The following KDM6A variants were observed in gnomAD, a reference collection of about 807,000 sequenced individuals.
KDM6A encodes the protein lysine demethylase 6A.
Under a neutral mutation model 117.6 loss-of-function variants are expected in KDM6A, and 11 were observed. That is an observed-to-expected ratio of 0.09 (90% confidence interval 0.06 to 0.15). The LOEUF (loss-of-function observed/expected upper bound fraction) is 0.15, where lower values mean the gene tolerates loss of function less well. Ranked by LOEUF, KDM6A falls within the 10% of genes least tolerant of loss-of-function variation. The pLI is 1.00. For missense variants in KDM6A, 799 were observed against 1,077.3 expected (o/e 0.74, Z 3.62); for synonymous variants, 384 against 396.1 (o/e 0.97, Z 0.36).
intron 2 of KDM6A, among the ~76,000 whole-genome samples, chrX:44,903,868 A>G (rs979079975): frequency 2.1e-4 from 23 of 112,010 alleles, no homozygotes; most frequent in Non-Finnish European, 3.2e-4. Context: ...TACTTTATGT[A>G]AAAGATGTTT....
At chrX:44,893,001 TAAAAA>T (rs35013547) in intron 2 of KDM6A, among the ~76,000 whole-genome samples, 1 of 50,239 alleles carries the variant, frequency 2.0e-5, no homozygotes. Context: ...AGACTCCATC[TAAAAA>T]AAAAAAAAAA....
chrX:44,897,855 C>T (rs2034019715), intron 2 of KDM6A, among the ~76,000 whole-genome samples: 1 of 111,675 alleles, frequency 9.0e-6, no homozygotes, highest in African/African-American at 3.3e-5. Flanking sequence ...CACAGGTGTG[C>T]ACCACAGCAC....
chrX:44,992,221 T>C (rs1350637700), intron 4 of KDM6A, among the ~76,000 whole-genome samples: 54 of 56,760 alleles, frequency 9.5e-4, no homozygotes, highest in African/African-American at 5.1e-3. Flanking sequence ...TTTTTTTTTT[T>C]TTTTTTTTTT....
At chrX:44,920,069 G>T (rs1425935260) in intron 2 of KDM6A, among the ~76,000 whole-genome samples, 1 of 112,189 alleles carries the variant, frequency 8.9e-6, no homozygotes, top group African/African-American at 3.2e-5. Context: ...TTACTTTATG[G>T]TCTAGCATAT....
intron 6 of KDM6A, among the ~76,000 whole-genome samples, chrX:45,029,414 C>G (rs1438077490): frequency 9.1e-6 from 1 of 110,315 alleles, no homozygotes; most frequent in African/African-American, 3.3e-5. Context: ...GCCTGGGCAA[C>G]AAGAGCGAAA....
chrX:45,021,921 G>C (rs762762305), intron 6 of KDM6A, among the ~76,000 whole-genome samples: 2 of 111,775 alleles, frequency 1.8e-5, no homozygotes, highest in Non-Finnish European at 3.8e-5. Context: ...GGACGTCAGC[G>C]GATATGAACT....
chrX:44,947,767 T>C lies in KDM6A; in HGVS notation c.226-13517T>C. Reference sequence around the variant, plus strand: ...CAGTTTTAAAATAACATTTAAAAAATTGGTTTATTATTACATTTTAGTTTT... The same window carrying C: ...CAGTTTTAAAATAACATTTAAAAAACTGGTTTATTATTACATTTTAGTTTT... On this transcript the variant is annotated intron_variant, in intron 2 of 29. Transcript: ENST00000611820. 2.7e-5 allele frequency among the ~76,000 whole-genome samples: 3 copies of C among 111,715 alleles called. No individual in the cohort carries two copies. The South Asian group carries it at 1.1e-3, about 41-fold the overall frequency.
intron 2 of KDM6A, among the ~76,000 whole-genome samples, chrX:44,890,501 A>G (rs867688256): frequency 9.0e-6 from 1 of 111,044 alleles, no homozygotes; most frequent in Non-Finnish European, 1.9e-5. Flanking sequence ...TCTACCAGCA[A>G]TGTATCAGTG....
intron 2 of KDM6A, among the ~76,000 whole-genome samples, chrX:44,901,370 A>G (rs1249601140): frequency 2.7e-5 from 3 of 110,728 alleles, no homozygotes; most frequent in Non-Finnish European, 5.7e-5. Context: ...AAATATATAT[A>G]TATATATACG....
intron 3 of KDM6A, among the ~76,000 whole-genome samples, chrX:44,964,870 A>G (rs1383258013): frequency 8.9e-6 from 1 of 112,251 alleles, no homozygotes; most frequent in African/African-American, 3.2e-5. Flanking sequence ...TTGAAGCCAG[A>G]TGTTGATGAA....
At chrX:44,945,240 A>G (rs1296610295) in intron 2 of KDM6A, among the ~76,000 whole-genome samples, 1 of 111,415 alleles carries the variant, frequency 9.0e-6, no homozygotes, top group Non-Finnish European at 1.9e-5. Flanking sequence ...TTTCCCATAC[A>G]TGTGCTGTAG....
chrX:45,064,751 G>A (rs977181027), intron 17 of KDM6A, among the ~76,000 whole-genome samples: 1 of 111,480 alleles, frequency 9.0e-6, no homozygotes, highest in African/African-American at 3.3e-5. Context: ...GCTGATTGTC[G>A]GTTAGTCTTA....
intron 2 of KDM6A, among the ~76,000 whole-genome samples, chrX:44,959,099 T>G (rs746278593): frequency 1.8e-5 from 2 of 110,971 alleles, no homozygotes; most frequent in South Asian, 7.5e-4. Context: ...ACAGAGTGCT[T>G]GGCAACTTTC....
At chrX:45,084,730 A>G (rs1260685369) in intron 24 of KDM6A, among the ~76,000 whole-genome samples, 1 of 110,918 alleles carries the variant, frequency 9.0e-6, no homozygotes, top group African/African-American at 3.3e-5. Context: ...GGCTCAAGCA[A>G]TTCTCCTGCC....
intron 4 of KDM6A, among the ~76,000 whole-genome samples, chrX:44,975,756 A>G (rs2039585560): frequency 8.9e-6 from 1 of 112,058 alleles, no homozygotes; most frequent in Non-Finnish European, 1.9e-5. Flanking sequence ...CAGATAGGGA[A>G]GGGTCCCTGG....
chrX:45,050,431 T>G (rs1234576115), intron 8 of KDM6A, among the ~76,000 whole-genome samples: 1 of 112,389 alleles, frequency 8.9e-6, no homozygotes, highest in Non-Finnish European at 1.9e-5. Context: ...GTGTAGCTCC[T>G]TAATTGTTTC....
At chrX:44,933,354 G>C (rs1464430809) in intron 2 of KDM6A, among the ~76,000 whole-genome samples, 21 of 89,117 alleles carry the variant, frequency 2.4e-4, no homozygotes, top group Non-Finnish European at 4.2e-4. Flanking sequence ...TGCAACCTCC[G>C]CCTCCTGGGT....
At chrX:45,088,862 G>A (rs1291914181) in intron 25 of KDM6A, among the ~76,000 whole-genome samples, 2 of 112,656 alleles carry the variant, frequency 1.8e-5, no homozygotes, top group African/African-American at 6.4e-5. Context: ...AAGTATATTG[G>A]TAGTAGTGGT....
chrX:44,994,061 G>T (rs1459623171), intron 4 of KDM6A, among the ~76,000 whole-genome samples: 1 of 111,179 alleles, frequency 9.0e-6, no homozygotes, highest in Non-Finnish European at 1.9e-5. Context: ...AGATATGATA[G>T]ATTTTCCCAC....
Sources: gnomAD v4.1 joint callset for allele counts (sites outside exome capture counted in the v4.1 genomes callset) on GRCh38, gnomAD v4.1.1 for gene constraint, MANE v1.5 for transcripts, NCBI Gene and HGNC (gene_info 2026-07-23, HGNC 2026-07-21) for gene names.